Variants in BICRA observed in about 807,000 individuals in gnomAD.
The protein encoded by BICRA is BRD4-interacting chromatin-remodeling complex-associated protein.
In BICRA, 31 loss-of-function variants were observed where a neutral mutation model predicts 96.9. The ratio of observed to expected loss-of-function variants is 0.32; its 90% CI spans 0.24 to 0.43. BICRA has a LOEUF of 0.43. BICRA is among the 20% of genes least tolerant of loss of function. The pLI is 1.00. For missense variants in BICRA, 2,283 were observed against 2,190.3 expected, an observed-to-expected ratio of 1.04 and a Z score of -0.84; for synonymous variants, 1,350 against 1,071.8, an observed-to-expected ratio of 1.26 and a Z score of -5.07.
chr19:47,661,629 T>C (rs1283556905), intron 1 of BICRA: 2 of 150,154 alleles, frequency 1.3e-5, no homozygotes, highest in Non-Finnish European at 3.0e-5. Context: ...CAGCCAGATG[T>C]CAATAAGCCA....
Position 47,682,095 on chromosome 19 carries a change from A to G in BICRA, c.2226A>G (p.Gly742=). 6.8e-7 allele frequency: 1 copy of G among 1,467,414 alleles called. No individual in the cohort carries two copies. Among genetic ancestry groups the G allele is most frequent in the South Asian group, 1.2e-5 (1 of 83,102 alleles). The allele number at this position is 1,467,414 out of a possible 1,614,324, so 90.9% of individuals were successfully genotyped here. ...CCCCAGCCACCCCCGTCGCCAAAGG[A>G]GCTGGCCTCGGCCCTCAGGCCCCCG... ...DPAPATPVAK[G]AGLGPQAPDS... is the part of the protein sequence containing the mutation. The change falls in exon 7 of 15, where the codon GGA becomes GGG. Residue 742 remains glycine (G), a synonymous_variant. Coordinates refer to ENST00000594866, the MANE Select transcript of BICRA (RefSeq NM_001394372.1).
chr19:47,619,464 G>A (rs1170596929), intron 1 of BICRA, among the ~76,000 whole-genome samples: 1 of 152,000 alleles, frequency 6.6e-6, no homozygotes, highest in Non-Finnish European at 1.5e-5. Context: ...TCACCATGTT[G>A]GCCAGGCTGG....
In BICRA at chr19:47,695,054, C is replaced by T. The variant is rs780731808; in HGVS notation, c.3050C>T (p.Pro1017Leu). The change falls in exon 9 of 15, where the codon CCC becomes CTC. Residue 1017 changes from proline (P) to leucine (L), a missense_variant. Physicochemically the swap from Pro to Leu is moderately conservative, Grantham distance 98 (BLOSUM62 -3). Transcript: ENST00000594866. ...SGTPTAPSHA[P>L]APAPMAATGL... ...ACCCCCACTGCCCCCAGCCACGCCC[C>T]CGCCCCGGCACCCATGGCCGCCACA... 3 of 1,498,852 alleles carry T rather than the reference C, an allele frequency of 2.0e-6. No homozygotes were observed. Among genetic ancestry groups the T allele is most frequent in the Non-Finnish European group, 2.6e-6 (3 of 1,134,696 alleles). The allele number at this position is 1,498,852 out of a possible 1,614,324, so 92.8% of individuals were successfully genotyped here. A position where few individuals can be genotyped will look rare whatever the true frequency, so the allele number is the denominator to read the frequency against.
At chr19:47,669,688 A>C (rs1305640018) in intron 1 of BICRA, among the ~76,000 whole-genome samples, 5 of 151,732 alleles carry the variant, frequency 3.3e-5, no homozygotes. Context: ...ATGGAGTCTC[A>C]CTCTGTCGCC....
chr19:47,636,107 C>T (rs1265387855), intron 1 of BICRA, among the ~76,000 whole-genome samples: 1 of 152,134 alleles, frequency 6.6e-6, no homozygotes, highest in Non-Finnish European at 1.5e-5. Flanking sequence ...TTCCCATCCC[C>T]AAGACAGCTC....
chr19:47,695,342 T>TCGGGGCCCCC, intron 9 of BICRA, 23 bp from the exon 10 acceptor site: 3 of 630,180 alleles, frequency 4.8e-6, no homozygotes, highest in South Asian at 1.9e-5. Flanking sequence ...AGGCCCTGTC[T>TCGGGGCCCCC]CCCCCACCCC....
At chr19:47,646,089 C>T (rs1028330004) in intron 1 of BICRA, among the ~76,000 whole-genome samples, 1 of 152,008 alleles carries the variant, frequency 6.6e-6, no homozygotes, top group Non-Finnish European at 1.5e-5. Context: ...CAGAGTGAGA[C>T]CCTGTCTCCA....
At chr19:47,688,929 C>T (rs1973199623) in intron 7 of BICRA, among the ~76,000 whole-genome samples, 1 of 151,754 alleles carries the variant, frequency 6.6e-6, no homozygotes, top group African/African-American at 2.4e-5. Flanking sequence ...GGGATTGGAG[C>T]AATTCTTCTG....
chr19:47,679,730 T>A lies in BICRA; in HGVS notation c.560T>A (p.Val187Glu). ...THQALVPPQDVVNKALSVQPF... is the reference protein window; with the variant it reads ...THQALVPPQDEVNKALSVQPF... ...CAGGCCCTGGTGCCGCCCCAGGACG[T>A]GGTCAACAAGGCCCTGAGTGTGCAG... The change falls in exon 6 of 15, where the codon GTG (valine) becomes GAG (glutamate). Residue 187 changes from valine to glutamate, a missense_variant. Transcript: ENST00000594866. 1 of 1,537,620 alleles carries A rather than the reference T, an allele frequency of 6.5e-7. No individual in the cohort carries two copies. The highest frequency in any genetic ancestry group is 8.7e-7 in the Non-Finnish European group (1 of 1,143,116).
At chr19:47,645,385 C>G (rs1972444667) in intron 1 of BICRA, among the ~76,000 whole-genome samples, 1 of 152,184 alleles carries the variant, frequency 6.6e-6, no homozygotes, top group Non-Finnish European at 1.5e-5. Flanking sequence ...CTTAACCACC[C>G]TGAGGTTCTG....
intron 1 of BICRA, among the ~76,000 whole-genome samples, chr19:47,652,467 T>C (rs1343231258): frequency 6.6e-6 from 1 of 152,234 alleles, no homozygotes; most frequent in East Asian, 1.9e-4. Flanking sequence ...GGATTACAGG[T>C]GTGAGCCACT....
rs2123606562 is a variant in BICRA, at chr19:47,694,521, G to A, written c.2690G>A (p.Arg897Lys). The change falls in exon 8 of 15, where the codon AGG becomes AAG. Residue 897 changes from arginine (R) to lysine (K), a missense_variant. By Grantham distance (26) the Arg-to-Lys change is conservative (BLOSUM62 2). Coordinates refer to ENST00000594866, the MANE Select transcript of BICRA (RefSeq NM_001394372.1). Reference sequence around the variant, plus strand: ...GCCTCCTCCTCTGAGACGTCCTCCAGGTTGCCAGCCCCTACGCCATCCGAC... The same window carrying A: ...GCCTCCTCCTCTGAGACGTCCTCCAAGTTGCCAGCCCCTACGCCATCCGAC... ...AVASSSETSS[R>K]LPAPTPSDFQ... is the part of the protein sequence containing the mutation. 3 of 1,518,792 alleles carry A rather than the reference G, an allele frequency of 2.0e-6. No homozygotes were observed. The highest frequency in any genetic ancestry group is 2.7e-6 in the Non-Finnish European group (3 of 1,127,718). The allele number at this position is 1,518,792 out of a possible 1,614,324, so 94.1% of individuals were successfully genotyped here.
At chr19:47,633,859 CAT>C (rs1328253495) in intron 1 of BICRA, among the ~76,000 whole-genome samples, 5 of 152,314 alleles carry the variant, frequency 3.3e-5, no homozygotes, top group African/African-American at 9.6e-5. Flanking sequence ...TCTGAATATT[CAT>C]ATGTTTAGCT....
chr19:47,684,624 ACT>A (rs1057327437), intron 7 of BICRA, among the ~76,000 whole-genome samples: 8 of 151,970 alleles, frequency 5.3e-5, no homozygotes, highest in Non-Finnish European at 7.4e-5. Context: ...CCGGCCTAGC[ACT>A]CTCTCATTTA....
intron 1 of BICRA, among the ~76,000 whole-genome samples, chr19:47,640,929 T>C (rs1162215710): frequency 1.5e-5 from 2 of 137,270 alleles, no homozygotes; most frequent in African/African-American, 5.6e-5. Flanking sequence ...AGACAGAGTC[T>C]CACTCTGTCA....
chr19:47,676,250 G>A (rs1972939290), intron 5 of BICRA, among the ~76,000 whole-genome samples: 1 of 152,036 alleles, frequency 6.6e-6, no homozygotes, highest in Non-Finnish European at 1.5e-5. Flanking sequence ...GGGGTTCACA[G>A]GGGCACTCCT....
chr19:47,628,127 C>T (rs547555814), intron 1 of BICRA, among the ~76,000 whole-genome samples: 1 of 152,280 alleles, frequency 6.6e-6, no homozygotes, highest in East Asian at 1.9e-4. Flanking sequence ...GACAACATGA[C>T]AAGGACTTTG....
chr19:47,682,080 C>G lies in BICRA; in HGVS notation c.2211C>G (p.Thr737=). The change falls in exon 7 of 15, where the codon ACC becomes ACG. Residue 737 remains threonine (T), a synonymous_variant. Coordinates refer to ENST00000594866, the MANE Select transcript of BICRA (RefSeq NM_001394372.1). ...PPPAQDPAPA[T]PVAKGAGLGP... Reference sequence around the variant, plus strand: ...CCGCCCAAGACCCAGCCCCAGCCACCCCCGTCGCCAAAGGAGCTGGCCTCG... The same window carrying G: ...CCGCCCAAGACCCAGCCCCAGCCACGCCCGTCGCCAAAGGAGCTGGCCTCG... The G allele has an allele frequency of 1.3e-6, 2 of 1,518,564 alleles. No homozygotes were observed. Among genetic ancestry groups the G allele is most frequent in the Admixed American group, 1.9e-5 (1 of 53,394 alleles). 94.1% of individuals were successfully genotyped at this position (1,518,564 alleles called of 1,614,324 possible).
intron 1 of BICRA, among the ~76,000 whole-genome samples, chr19:47,634,462 G>T (rs1972268381): frequency 6.6e-6 from 1 of 152,116 alleles, no homozygotes; most frequent in African/African-American, 2.4e-5. Context: ...GCCAGAAGGG[G>T]TTTCACTCAC....
Sources: allele counts gnomAD v4.1 joint callset (sites outside exome capture counted in the v4.1 genomes callset), GRCh38; gene constraint gnomAD v4.1.1; transcripts MANE v1.5; gene names NCBI Gene and HGNC (gene_info 2026-07-23, HGNC 2026-07-21).